The following KATNIP variants were observed in gnomAD, a reference collection of about 807,000 sequenced individuals.
KATNIP encodes katanin-interacting protein.
In KATNIP, 126 loss-of-function variants were observed where a neutral mutation model predicts 174.0. The observed-to-expected ratio is 0.72, with a 90% confidence interval of 0.63 to 0.84. KATNIP has a LOEUF of 0.84. Among genes scored for constraint, KATNIP ranks in the 40% least tolerant of loss-of-function variants. The pLI is 0.00. For synonymous variants in KATNIP, 810 were observed against 835.7 expected, an observed-to-expected ratio of 0.97 and a Z score of 0.53; for missense variants, 1,958 against 2,109.7, an observed-to-expected ratio of 0.93 and a Z score of 1.41.
intron 8 of KATNIP, among the ~76,000 whole-genome samples, chr16:27,694,292 G>A (rs1011109811): frequency 1.3e-5 from 2 of 152,124 alleles, no homozygotes; most frequent in Non-Finnish European, 2.9e-5. Flanking sequence ...CAAGTGCTTC[G>A]ACAGGAGCCC....
intron 2 of KATNIP, among the ~76,000 whole-genome samples, chr16:27,616,099 C>T (rs929814163): frequency 3.3e-5 from 5 of 152,188 alleles, no homozygotes; most frequent in Admixed American, 3.3e-4. Flanking sequence ...TGGCCAGGTG[C>T]GGTGGCTCGC....
rs2078334375 is a variant in KATNIP, at chr16:27,681,414, G to A, written c.824G>A (p.Arg275Lys). The stretch of plus-strand genomic sequence containing the variant: ...TTTCCTACAGGTCATAAAAGGGAAA[G>A]GAATTTGTCTGCAAAGCGGAAGGAC... Reference protein sequence around the residue: ...NPASKSHKRERNLSAKRKDNA... With the variant: ...NPASKSHKREKNLSAKRKDNA... Residue 275 changes from arginine to lysine, a missense_variant, in exon 8 of 28, where the codon AGG (arginine) becomes AAG (lysine). This residue lies in a region of KATNIP where 1,557 missense variants were observed against 1,617.8 expected (regional missense o/e 0.96). Coordinates refer to ENST00000261588, the MANE Select transcript of KATNIP (RefSeq NM_015202.5). 6.2e-7 allele frequency: 1 copy of A among 1,614,078 alleles called. No homozygotes were observed. The highest frequency in any genetic ancestry group is 1.1e-5 in the South Asian group (1 of 91,088).
intron 2 of KATNIP, among the ~76,000 whole-genome samples, chr16:27,609,934 G>A (rs2075840497): frequency 6.6e-6 from 1 of 152,136 alleles, no homozygotes; most frequent in Non-Finnish European, 1.5e-5. Context: ...AAAGGAATGT[G>A]GGCATTTTCC....
Position 27,695,510 on chromosome 16 carries a change from C to A in KATNIP, c.941-2818C>A, listed in dbSNP as rs114061511. ...GCTCTCTCTGCCCCTGATATCCACA[C>A]TCCAGATCTCCCTTACCCCGATCTG... is the stretch of plus-strand genomic sequence containing the variant. On this transcript the variant is annotated intron_variant, in intron 8 of 27. Transcript: ENST00000261588. Among the ~76,000 whole-genome samples the A allele has an allele frequency of 2.4e-3, 362 of 152,354 alleles. 1 individual carries two copies. Among genetic ancestry groups the A allele is most frequent in the African/African-American group, 8.3e-3 (347 of 41,584 alleles).
intron 6 of KATNIP, among the ~76,000 whole-genome samples, chr16:27,673,686 A>C (rs1176593968): frequency 6.6e-6 from 1 of 152,152 alleles, no homozygotes; most frequent in African/African-American, 2.4e-5. Flanking sequence ...AAAAAATCTC[A>C]AGTCATTGCT....
chr16:27,760,039 G>A lies in KATNIP; in HGVS notation c.3632-1374G>A, dbSNP rs528340512. Among the ~76,000 whole-genome samples the A allele has an allele frequency of 1.6e-3, 251 of 152,312 alleles. 1 individual carries two copies. Among genetic ancestry groups the A allele is most frequent in the South Asian group, 3.1e-3 (15 of 4,828 alleles). On this transcript the variant is annotated intron_variant, in intron 18 of 27. Transcript: ENST00000261588. ...ACAAAAAGTATGTTGGGAGATGTCA[G>A]GGGCGTGGGAGAGAAAACCAAGCTC...
Position 27,628,663 on chromosome 16 carries a change from T to C in KATNIP, c.143T>C (p.Ile48Thr), listed in dbSNP as rs1195159454. 3.1e-6 allele frequency: 5 copies of C among 1,614,102 alleles called. No individual in the cohort carries two copies. Reference protein sequence around the residue: ...YLILLQQRNRILKHLKSKDPV... With the variant: ...YLILLQQRNRTLKHLKSKDPV... ...ACAACCCACCGTTTCTCTTTCAGGA[T>C]ATTAAAGCATTTGAAAAGCAAGGAC... Residue 48 changes from isoleucine to threonine, a missense_variant and splice_region_variant, in exon 4 of 28, where the codon ATA becomes ACA. By Grantham distance (89) the Ile-to-Thr change is moderately conservative. Transcript: ENST00000261588.
At chr16:27,749,525 TC>T in intron 15 of KATNIP, 58 bp from the exon 16 acceptor site, 1 of 1,502,660 alleles carries the variant, frequency 6.7e-7, no homozygotes, top group Admixed American at 2.4e-5. Context: ...TCTCTAATGG[TC>T]CCCACTTCCA....
chr16:27,748,756 C>T (rs1022868436), intron 15 of KATNIP, among the ~76,000 whole-genome samples: 2 of 151,904 alleles, frequency 1.3e-5, no homozygotes, highest in Non-Finnish European at 2.9e-5. Context: ...TGCACTCCAG[C>T]CTGGGCAACA....
intron 6 of KATNIP, among the ~76,000 whole-genome samples, chr16:27,659,058 T>TGC (rs2077385073): frequency 6.6e-6 from 1 of 152,076 alleles, no homozygotes; most frequent in African/African-American, 2.4e-5. Context: ...TGAGCCACCA[T>TGC]GCCTGGCCTG....
At chr16:27,653,998 C>T (rs1012650726) in intron 6 of KATNIP, among the ~76,000 whole-genome samples, 9 of 152,018 alleles carry the variant, frequency 5.9e-5, no homozygotes, top group East Asian at 1.9e-4. Flanking sequence ...TATTTAAAGA[C>T]GGAGTCTTGC....
intron 6 of KATNIP, among the ~76,000 whole-genome samples, chr16:27,655,769 C>T (rs770025577): frequency 1.2e-4 from 18 of 152,080 alleles, no homozygotes; most frequent in Non-Finnish European, 2.4e-4. Context: ...CTCACCCAGG[C>T]CTCAGGGAAG....
chr16:27,759,204 T>A (rs556688971), intron 18 of KATNIP, among the ~76,000 whole-genome samples: 1 of 152,332 alleles, frequency 6.6e-6, no homozygotes, highest in South Asian at 2.1e-4. Context: ...CTCAGGGAAC[T>A]TCCGTCTTAG....
At chr16:27,589,349 A>G (rs2075099348) in intron 2 of KATNIP, among the ~76,000 whole-genome samples, 1 of 152,258 alleles carries the variant, frequency 6.6e-6, no homozygotes, top group African/African-American at 2.4e-5. Context: ...TTTGTGGGCC[A>G]CACGGTCTCT....
chr16:27,641,125 G>A (rs1429934906), intron 5 of KATNIP, among the ~76,000 whole-genome samples: 1 of 150,460 alleles, frequency 6.6e-6, no homozygotes, highest in African/African-American at 2.5e-5. Context: ...GCGACAGAGT[G>A]AGGCTCTGTC....
At chr16:27,691,558 G>C (rs62029138) in intron 8 of KATNIP, among the ~76,000 whole-genome samples, 2 of 152,216 alleles carry the variant, frequency 1.3e-5, no homozygotes, top group Admixed American at 1.3e-4. Context: ...TGGTTACCTC[G>C]TGTGCACGTG....
At chr16:27,767,558 C>CA (rs369226114) in intron 20 of KATNIP, among the ~76,000 whole-genome samples, 1 of 151,854 alleles carries the variant, frequency 6.6e-6, no homozygotes, top group South Asian at 2.1e-4. Context: ...CCATCTCTAC[C>CA]AAAAAAATAG....
At chr16:27,741,884 A>G (rs2081122160) in intron 15 of KATNIP, among the ~76,000 whole-genome samples, 1 of 152,180 alleles carries the variant, frequency 6.6e-6, no homozygotes, top group African/African-American at 2.4e-5. Flanking sequence ...CCTGGGCAAG[A>G]GAGTGAGACT....
chr16:27,764,182 T>A (rs2082050706), intron 19 of KATNIP, among the ~76,000 whole-genome samples: 1 of 152,258 alleles, frequency 6.6e-6, no homozygotes, highest in Non-Finnish European at 1.5e-5. Context: ...TTGGCTACTC[T>A]GTGGTGAAAT....
Sources: gnomAD v4.1 joint callset for allele counts (sites outside exome capture counted in the v4.1 genomes callset) on GRCh38, gnomAD v4.1.1 for gene constraint, gnomAD v4.1.1 regional missense constraint, MANE v1.5 for transcripts, NCBI Gene and HGNC (gene_info 2026-07-23, HGNC 2026-07-21) for gene names.